SPATA13: variants seen among roughly 807,000 people sequenced by gnomAD.
SPATA13 encodes the protein spermatogenesis-associated protein 13.
Under a neutral mutation model 104.0 loss-of-function variants are expected in SPATA13, and 50 were observed. That is an observed-to-expected ratio of 0.48 (90% confidence interval 0.38 to 0.61). SPATA13 has a LOEUF of 0.61. Among genes scored for constraint, SPATA13 ranks in the 20% least tolerant of loss-of-function variants. SPATA13 has a pLI of 0.00. For synonymous variants in SPATA13, 606 were observed against 667.5 expected, an observed-to-expected ratio of 0.91 and a Z score of 1.42; for missense variants, 1,524 against 1,690.6, an observed-to-expected ratio of 0.90 and a Z score of 1.73.
At chr13:24,281,042 G>A (rs1345100863) in intron 4 of SPATA13, among the ~76,000 whole-genome samples, 1 of 148,416 alleles carries the variant, frequency 6.7e-6, no homozygotes, top group Non-Finnish European at 1.5e-5. Context: ...TGCATAGCTG[G>A]CTCCCTGCTG....
At chr13:24,099,789 A>C (rs1213569307) in intron 3 of SPATA13, among the ~76,000 whole-genome samples, 1 of 152,252 alleles carries the variant, frequency 6.6e-6, no homozygotes, top group Non-Finnish European at 1.5e-5. Context: ...TTTTTTAAAC[A>C]GATAAACCAT....
intron 4 of SPATA13, among the ~76,000 whole-genome samples, chr13:24,266,803 T>C (rs948359137): frequency 6.6e-6 from 1 of 151,834 alleles, no homozygotes; most frequent in African/African-American, 2.4e-5. Flanking sequence ...TTTCTTTTTT[T>C]TTTTCCAAGT....
chr13:24,195,743 G>T (rs1432457739), intron 1 of SPATA13, among the ~76,000 whole-genome samples: 5 of 152,108 alleles, frequency 3.3e-5, no homozygotes, highest in Non-Finnish European at 7.4e-5. Flanking sequence ...TGTAATATCT[G>T]ATTTTGCTTT....
intron 2 of SPATA13, among the ~76,000 whole-genome samples, chr13:24,242,805 AATATGGTC>A (rs764435069): frequency 4.6e-5 from 7 of 152,176 alleles, no homozygotes; most frequent in Non-Finnish European, 1.0e-4. Flanking sequence ...AACTCCTCAA[AATATGGTC>A]ATTCATCTGG....
At chr13:24,157,967 A>G (rs1459324419), upstream of SPATA13, among the ~76,000 whole-genome samples, 1 of 152,234 alleles carries the variant, frequency 6.6e-6, no homozygotes, top group Admixed American at 6.5e-5. Context: ...TGAGGATTTA[A>G]GAAAATGATG....
chr13:24,149,616 T>C (rs1413222201), intron 3 of SPATA13, among the ~76,000 whole-genome samples: 1 of 152,212 alleles, frequency 6.6e-6, no homozygotes, highest in Non-Finnish European at 1.5e-5. Flanking sequence ...CTTCTGTCAC[T>C]GTGGTGTAGT....
rs7324542 is a variant in SPATA13 at position 24,224,427 on chromosome 13, G to A, written c.1498G>A (p.Glu500Lys). The change falls in exon 2 of 13, where the codon GAA becomes AAA. Residue 500 changes from glutamate (E) to lysine (K), a missense_variant. Coordinates refer to ENST00000382108, the MANE Select transcript of SPATA13 (RefSeq NM_001166271.3). Reference sequence around the variant, plus strand: ...CAGTGCCCTGTCCGCGAATTCAGAGGAAAGTGAAGGAAGGGCAGAAGAGCC... The same window carrying A: ...CAGTGCCCTGTCCGCGAATTCAGAGAAAAGTGAAGGAAGGGCAGAAGAGCC... The part of the protein sequence containing the change: ...NHSALSANSE[E>K]SEGRAEEPAQ... 22,031 of 1,551,650 alleles carry A rather than the reference G, an allele frequency of 0.014. 2,546 individuals are homozygous for A. The African/African-American group carries it at 0.26, about 18-fold the overall frequency.
chr13:24,109,321 G>T (rs968934988), intron 3 of SPATA13, among the ~76,000 whole-genome samples: 18 of 152,200 alleles, frequency 1.2e-4, no homozygotes, highest in Admixed American at 6.5e-5. Context: ...GTATTCCATG[G>T]TGGATATGTG....
intron 3 of SPATA13, among the ~76,000 whole-genome samples, chr13:24,080,091 A>G (rs974379982): frequency 3.9e-5 from 6 of 152,260 alleles, no homozygotes; most frequent in Non-Finnish European, 5.9e-5. Flanking sequence ...GAGAAAGTGA[A>G]CTGTGAATTA....
At chr13:24,210,648 T>G (rs963595853) in intron 1 of SPATA13, among the ~76,000 whole-genome samples, 21 of 152,200 alleles carry the variant, frequency 1.4e-4, no homozygotes, top group Admixed American at 2.0e-4. Context: ...TGGTTTTGAT[T>G]ACCATAAGTT....
chr13:24,110,535 C>T (rs1201274027), intron 3 of SPATA13, among the ~76,000 whole-genome samples: 1 of 152,162 alleles, frequency 6.6e-6, no homozygotes, highest in African/African-American at 2.4e-5. Flanking sequence ...CAGTCTAAGC[C>T]TAATCTTTAC....
At chr13:24,001,115 G>A (rs1480603404) in intron 2 of SPATA13, among the ~76,000 whole-genome samples, 1 of 152,098 alleles carries the variant, frequency 6.6e-6, no homozygotes, top group African/African-American at 2.4e-5. Flanking sequence ...CTGGCCGAGT[G>A]GCCTCTTCTA....
At position 24,112,092 on chromosome 13, in the gene SPATA13, G is replaced by A. The variant is rs553199970; in HGVS notation, c.-112+94391G>A. On this transcript the variant is annotated intron_variant, in intron 3 of 14. Coordinates refer to the SPATA13 transcript ENST00000424834. ...TACAGTTGATGCATCTTCTCTAGTT[G>A]GCCCACAGGACACTCTCTAGGCTGT... is the stretch of plus-strand genomic sequence containing the variant. Among the ~76,000 whole-genome samples, 6 of 152,162 alleles carry A rather than the reference G, an allele frequency of 3.9e-5. No individual in the cohort carries two copies. The South Asian group carries it at 1.0e-3, about 26-fold the overall frequency.
At chr13:24,268,951 G>T (rs891987256) in intron 4 of SPATA13, among the ~76,000 whole-genome samples, 2 of 152,144 alleles carry the variant, frequency 1.3e-5, no homozygotes, top group African/African-American at 4.8e-5. Flanking sequence ...TTGAAGATAA[G>T]AGAAGCCTAC....
chr13:24,022,568 C>G (rs1172515383), intron 3 of SPATA13, among the ~76,000 whole-genome samples: 4 of 152,156 alleles, frequency 2.6e-5, no homozygotes, highest in Non-Finnish European at 4.4e-5. Flanking sequence ...CTTTACTGAG[C>G]TGCACACTTG....
intron 2 of SPATA13, among the ~76,000 whole-genome samples, chr13:24,004,036 G>A (rs949853571): frequency 6.6e-6 from 1 of 152,088 alleles, no homozygotes; most frequent in Non-Finnish European, 1.5e-5. Context: ...GTTGACTCTT[G>A]TCTCCTTGCA....
At chr13:24,116,124 G>A (rs978235104) in intron 3 of SPATA13, among the ~76,000 whole-genome samples, 3 of 152,232 alleles carry the variant, frequency 2.0e-5, no homozygotes, top group Non-Finnish European at 4.4e-5. Context: ...ACCATGAACT[G>A]AGTGGCTCAT....
chr13:24,015,569 A>AG, intron 2 of SPATA13, among the ~76,000 whole-genome samples: 1 of 152,340 alleles, frequency 6.6e-6, no homozygotes, highest in East Asian at 1.9e-4. Context: ...ACCCTGAGCC[A>AG]GGGGCCACCT....
intron 11 of SPATA13, among the ~76,000 whole-genome samples, chr13:24,300,116 C>A (rs188290898): frequency 1.3e-5 from 2 of 152,250 alleles, no homozygotes; most frequent in South Asian, 4.1e-4. Context: ...AATATTTGCC[C>A]GGGAGCGTCG....
Sources: allele counts gnomAD v4.1 joint callset (sites outside exome capture counted in the v4.1 genomes callset), GRCh38; gene constraint gnomAD v4.1.1; transcripts MANE v1.5; gene names NCBI Gene and HGNC (gene_info 2026-07-23, HGNC 2026-07-21).